DGKH: variants seen among roughly 807,000 people sequenced by gnomAD.
DGKH encodes the protein DAG kinase eta.
In DGKH, 90 loss-of-function variants were observed where a neutral mutation model predicts 159.3. That is an observed-to-expected ratio of 0.57 (90% CI 0.48 to 0.67). The LOEUF is 0.67. Ranked by LOEUF, DGKH falls within the 30% of genes least tolerant of loss-of-function variation. The probability of loss-of-function intolerance (pLI) is 0.00; values close to 1 mark genes in which losing one functional copy is unlikely to be tolerated. For missense variants in DGKH, 1,181 were observed against 1,506.1 expected (o/e 0.78, Z 3.57); for synonymous variants, 536 against 553.8 (o/e 0.97, Z 0.45).
At chr13:42,215,304 T>C (rs909976832) in intron 25 of DGKH, among the ~76,000 whole-genome samples, 54 of 152,228 alleles carry the variant, frequency 3.5e-4, no homozygotes, top group South Asian at 1.9e-3. Flanking sequence ...TGGGAATATG[T>C]ATATGCTGGT....
Position 42,152,145 on chromosome 13 carries a change from G to T in DGKH, c.385-3146G>T, listed in dbSNP as rs958014330. Among the ~76,000 whole-genome samples the T allele has an allele frequency of 9.2e-5, 14 of 151,890 alleles. No homozygotes were observed. The South Asian group carries it at 1.0e-3, about 11-fold the overall frequency. Reference sequence around the variant, plus strand: ...TGAGGCTATTTGTTGTTGTCATTTTGTTCAACATCTTGATTTTAAACTTCT... The same window carrying T: ...TGAGGCTATTTGTTGTTGTCATTTTTTTCAACATCTTGATTTTAAACTTCT... On this transcript the variant is annotated intron_variant, in intron 3 of 29. Coordinates refer to ENST00000337343, the MANE Select transcript of DGKH (RefSeq NM_178009.5).
intron 1 of DGKH, chr13:42,069,803 G>C: frequency 9.5e-7 from 1 of 1,057,116 alleles, no homozygotes. Flanking sequence ...TTGTTTTCAT[G>C]ATGATCTGGG....
chr13:42,118,061 C>CA (rs1262131278), intron 1 of DGKH, among the ~76,000 whole-genome samples: 1 of 152,084 alleles, frequency 6.6e-6, no homozygotes, highest in Non-Finnish European at 1.5e-5. Context: ...ACCAAAAAGA[C>CA]AAAAAATTAG....
chr13:42,097,193 T>G (rs1234982986), intron 1 of DGKH, among the ~76,000 whole-genome samples: 1 of 152,230 alleles, frequency 6.6e-6, no homozygotes, highest in Non-Finnish European at 1.5e-5. Context: ...AGTTTTCAGT[T>G]CTGGGAAATT....
intron 29 of DGKH, among the ~76,000 whole-genome samples, chr13:42,227,818 G>A (rs1272103182): frequency 2.0e-5 from 3 of 152,182 alleles, no homozygotes; most frequent in African/African-American, 7.2e-5. Flanking sequence ...ACGAGAGAAA[G>A]AGAGAGACAA....
chr13:42,109,071 A>G (rs1954813234), intron 1 of DGKH, among the ~76,000 whole-genome samples: 1 of 152,226 alleles, frequency 6.6e-6, no homozygotes, highest in African/African-American at 2.4e-5. Flanking sequence ...TTAACAAACA[A>G]ATTGTAAGTA....
chr13:42,254,075 T>G (rs1160891430), intron 30 of DGKH, among the ~76,000 whole-genome samples: 1 of 152,124 alleles, frequency 6.6e-6, no homozygotes, highest in Non-Finnish European at 1.5e-5. Flanking sequence ...GAGAGTATAT[T>G]GGTGTAGCAT....
intron 1 of DGKH, among the ~76,000 whole-genome samples, chr13:42,050,107 A>G (rs1881160981): frequency 6.6e-6 from 1 of 152,244 alleles, no homozygotes; most frequent in Non-Finnish European, 1.5e-5. Flanking sequence ...ACGGTGGCTC[A>G]TGCCTGTAAT....
At chr13:42,046,873 A>G (rs1880822258), upstream of DGKH, among the ~76,000 whole-genome samples, 1 of 152,220 alleles carries the variant, frequency 6.6e-6, no homozygotes, top group Non-Finnish European at 1.5e-5. Flanking sequence ...TCTTTACATT[A>G]AAGGAGAAGA....
chr13:42,245,834 C>T (rs368241619), downstream of DGKH, among the ~76,000 whole-genome samples: 7 of 152,314 alleles, frequency 4.6e-5, no homozygotes, highest in East Asian at 7.7e-4. Flanking sequence ...CCGCCTGCCT[C>T]AGCCTCCCAA....
chr13:42,209,993 ATT>A (rs34470988), intron 23 of DGKH, among the ~76,000 whole-genome samples: 45,601 of 132,650 alleles, frequency 0.34, 7,480 homozygotes, highest in Non-Finnish European at 0.37. Context: ...GCAATCATTG[ATT>A]TTTTTTTTTT....
intron 29 of DGKH, among the ~76,000 whole-genome samples, chr13:42,223,331 C>T (rs1001554633): frequency 6.6e-6 from 1 of 152,194 alleles, no homozygotes; most frequent in Non-Finnish European, 1.5e-5. Flanking sequence ...CACAGGTTCT[C>T]TCTCAGCCCT....
chr13:42,251,098 A>T (rs1310915254), intron 29 of DGKH, among the ~76,000 whole-genome samples: 4 of 152,224 alleles, frequency 2.6e-5, no homozygotes, highest in African/African-American at 9.6e-5. Flanking sequence ...GAAAGAATAA[A>T]ATGGGTAAAA....
chr13:42,173,821 G>A (rs1222668231), intron 11 of DGKH, among the ~76,000 whole-genome samples: 1 of 152,090 alleles, frequency 6.6e-6, no homozygotes, highest in Non-Finnish European at 1.5e-5. Context: ...GCCACTAATT[G>A]GAGAAATGGT....
chr13:42,214,702 A>G, intron 25 of DGKH, 90 bp downstream of exon 25: 1 of 1,244,038 alleles, frequency 8.0e-7, no homozygotes, highest in South Asian at 1.7e-5. Flanking sequence ...ACGCCCTGTG[A>G]CAGAAAGTTA....
chr13:42,050,744 C>G (rs1342909851), intron 1 of DGKH, among the ~76,000 whole-genome samples: 1 of 151,990 alleles, frequency 6.6e-6, no homozygotes, highest in East Asian at 1.9e-4. Flanking sequence ...AATCCCTGCA[C>G]TTTGGGAGAA....
At chr13:42,217,976 G>C (rs1957847345) in intron 26 of DGKH, among the ~76,000 whole-genome samples, 2 of 152,220 alleles carry the variant, frequency 1.3e-5, no homozygotes, top group South Asian at 4.1e-4. Context: ...CAAGGTTACA[G>C]TGAGCTGAGA....
chr13:42,072,088 T>C lies in DGKH; in HGVS notation c.192+23123T>C, dbSNP rs1206179379. ...GCTCCTATGAGTTCATATTGCTTAA[T>C]GTTTGAATTAGAAGAAAAAACTTTT... On this transcript the variant is annotated intron_variant, in intron 1 of 29. Coordinates refer to ENST00000337343, the MANE Select transcript of DGKH (RefSeq NM_178009.5). Among the ~76,000 whole-genome samples the C allele has an allele frequency of 2.0e-5, 3 of 152,230 alleles. No individual in the cohort carries two copies. In the South Asian group the frequency reaches 6.2e-4, roughly 31 times the overall value.
At chr13:42,152,441 A>G (rs1463626553) in intron 3 of DGKH, among the ~76,000 whole-genome samples, 1 of 150,222 alleles carries the variant, frequency 6.7e-6, no homozygotes, top group Non-Finnish European at 1.5e-5. Context: ...GTGTATATAT[A>G]TATATACATA....
Sources: allele counts gnomAD v4.1 joint callset (sites outside exome capture counted in the v4.1 genomes callset), GRCh38; gene constraint gnomAD v4.1.1; transcripts MANE v1.5; gene names NCBI Gene and HGNC (gene_info 2026-07-23, HGNC 2026-07-21).